Variants in ST8SIA3 observed in about 807,000 individuals in gnomAD.
ST8SIA3 encodes the protein alpha-N-acetylneuraminate alpha-2,8-sialyltransferase ST8SIA3.
A neutral mutation model predicts 34.5 loss-of-function variants in ST8SIA3; 17 were observed. The ratio of observed to expected loss-of-function variants is 0.49; its 90% CI spans 0.34 to 0.74. ST8SIA3 has a LOEUF of 0.74. Ranked by LOEUF, ST8SIA3 falls within the 30% of genes least tolerant of loss-of-function variation. The probability of loss-of-function intolerance (pLI) is 0.01; values close to 1 mark genes in which losing one functional copy is unlikely to be tolerated. For synonymous variants in ST8SIA3, 172 were observed against 176.1 expected, an observed-to-expected ratio of 0.98 and a Z score of 0.19; for missense variants, 354 against 467.8, an observed-to-expected ratio of 0.76 and a Z score of 2.24.
At chr18:57,353,868 G>A (rs1437665949) in intron 1 of ST8SIA3, among the ~76,000 whole-genome samples, 2 of 152,222 alleles carry the variant, frequency 1.3e-5, no homozygotes, top group African/African-American at 4.8e-5. Flanking sequence ...AGCCTCGCCT[G>A]GACCGAGGAG....
Position 57,366,121 on chromosome 18 carries a change from T to C in ST8SIA3, c.*5844T>C, listed in dbSNP as rs1358435121. The C allele has an allele frequency of 2.0e-5, 3 of 152,194 alleles. No individual in the cohort carries two copies. In the East Asian group the frequency reaches 5.8e-4, roughly 29 times the overall value. The allele number at this position is 152,194 out of a possible 1,614,324, so 9.4% of individuals were successfully genotyped here. ...AGTATAAGTTGGCTCCAATACAGCA[T>C]GAGCCAGCTCCAGCATAGCACTGCC... On this transcript the variant is annotated 3_prime_UTR_variant, in exon 4 of 4. Coordinates refer to ENST00000324000, the MANE Select transcript of ST8SIA3 (RefSeq NM_015879.3).
intron 2 of ST8SIA3, among the ~76,000 whole-genome samples, 185 bp from the exon 3 acceptor site, chr18:57,356,728 A>G (rs1000017593): frequency 6.6e-6 from 1 of 152,196 alleles, no homozygotes; most frequent in African/African-American, 2.4e-5. Flanking sequence ...AAATTGACTG[A>G]AAGATTAGAA....
At position 57,364,339 on chromosome 18, in the gene ST8SIA3, T is replaced by A. The variant is rs1009664635; in HGVS notation, c.*4062T>A. 1 of 152,198 alleles carries A rather than the reference T, an allele frequency of 6.6e-6. No individual in the cohort carries two copies. The highest frequency in any genetic ancestry group is 2.4e-5 in the African/African-American group (1 of 41,446). The allele number at this position is 152,198 out of a possible 1,614,324, so 9.4% of individuals were successfully genotyped here. On this transcript the variant is annotated 3_prime_UTR_variant, in exon 4 of 4. Transcript: ENST00000324000. ...TATATACAACTTTCATCGGGGTCCC[T>A]TGAGTTAAGAAATGCCTTCTATTTT... is the stretch of plus-strand genomic sequence containing the variant.
In ST8SIA3 at chr18:57,360,349, A is replaced by G. The variant is rs1469901615; in HGVS notation, c.*72A>G. ...AATCAAATTGAATAGCCTTCAGAAT[A>G]GAACCCTAGAGAATGTCTTATAAGG... On this transcript the variant is annotated 3_prime_UTR_variant, in exon 4 of 4. Coordinates refer to ENST00000324000, the MANE Select transcript of ST8SIA3 (RefSeq NM_015879.3). The G allele has an allele frequency of 7.3e-7, 1 of 1,370,844 alleles. No individual in the cohort carries two copies. Among genetic ancestry groups the G allele is most frequent in the Admixed American group, 2.2e-5 (1 of 44,514 alleles). The allele number at this position is 1,370,844 out of a possible 1,614,324, so 84.9% of individuals were successfully genotyped here.
At position 57,354,519 on chromosome 18, in the gene ST8SIA3, T is replaced by A; in HGVS notation, c.297T>A (p.His99Gln). The change falls in exon 2 of 4, where the codon CAT (histidine) becomes CAA (glutamine). Residue 99 changes from histidine to glutamine, a missense_variant. His to Gln is a conservative substitution (Grantham distance 24). This residue lies in a region of ST8SIA3 where 184 missense variants were observed against 205.4 expected (regional missense o/e 0.90). Transcript: ENST00000324000. Reference sequence around the variant, plus strand: ...AATTTAATCGGACAGCGTTTTTACATCAAAGGTAGGATAGGAGGAAAAGAT... The same window carrying A: ...AATTTAATCGGACAGCGTTTTTACAACAAAGGTAGGATAGGAGGAAAAGAT... Reference protein sequence around the residue: ...KWKFNRTAFLHQRQEILQHVD... With the variant: ...KWKFNRTAFLQQRQEILQHVD... 1 of 1,614,068 alleles carries A rather than the reference T, an allele frequency of 6.2e-7. No homozygotes were observed. Among genetic ancestry groups the A allele is most frequent in the Non-Finnish European group, 8.5e-7 (1 of 1,179,958 alleles).
At chr18:57,353,998 G>A (rs2049782504) in intron 1 of ST8SIA3, among the ~76,000 whole-genome samples, 1 of 152,220 alleles carries the variant, frequency 6.6e-6, no homozygotes, top group Non-Finnish European at 1.5e-5. Context: ...CTGGGTCTCC[G>A]GTTTCCTCTG....
intron 1 of ST8SIA3, among the ~76,000 whole-genome samples, chr18:57,353,863 C>CGCCTG (rs2038058128): frequency 6.6e-6 from 1 of 152,208 alleles, no homozygotes; most frequent in Non-Finnish European, 1.5e-5. Flanking sequence ...AGAGGAGCCT[C>CGCCTG]GCCTGGACCG....
In ST8SIA3 at chr18:57,363,323, T is replaced by A. The variant is rs1378492960; in HGVS notation, c.*3046T>A. 6.6e-6 allele frequency: 1 copy of A among 152,212 alleles called. No individual in the cohort carries two copies. Among genetic ancestry groups the A allele is most frequent in the Non-Finnish European group, 1.5e-5 (1 of 68,036 alleles). The allele number at this position is 152,212 out of a possible 1,614,324, so 9.4% of individuals were successfully genotyped here. The stretch of plus-strand genomic sequence containing the variant: ...AGGGAGACAGGGCTAAATGGTGGTG[T>A]CAAGAATTCCTCCCACACCCCAAAA... On this transcript the variant is annotated 3_prime_UTR_variant, in exon 4 of 4. Coordinates refer to ENST00000324000, the MANE Select transcript of ST8SIA3 (RefSeq NM_015879.3).
chr18:57,355,778 A>G (rs1445543500), intron 2 of ST8SIA3, among the ~76,000 whole-genome samples: 2 of 152,130 alleles, frequency 1.3e-5, no homozygotes, highest in Admixed American at 6.5e-5. Context: ...TTCCTTCTCA[A>G]AACTTCGCTC....
intron 2 of ST8SIA3, among the ~76,000 whole-genome samples, chr18:57,355,397 C>A (rs1053863921): frequency 5.3e-5 from 8 of 152,122 alleles, no homozygotes; most frequent in African/African-American, 1.7e-4. Context: ...TTGATCTTAG[C>A]ATTTCTAGTT....
Position 57,352,993 on chromosome 18 carries a change from GC to G in ST8SIA3, c.151del (p.Arg51GlufsTer15). The G allele has an allele frequency of 6.2e-7, 1 of 1,610,900 alleles. No individual in the cohort carries two copies. ...CTCCCAAGTACGCCAGCCCGGGGGC[GC>G]CCCGAATGTACATGTTCCACGCGGG... ...TTPKYASPGA[P>X]RMYMFHAGFR... On this transcript the variant is annotated frameshift_variant, in exon 1 of 4. Coordinates refer to ENST00000324000, the MANE Select transcript of ST8SIA3 (RefSeq NM_015879.3). LOFTEE classifies it high-confidence loss of function.
chr18:57,360,510 G>A lies in ST8SIA3; in HGVS notation c.*233G>A. 3.9e-6 allele frequency: 2 copies of A among 516,014 alleles called. No homozygotes were observed. The highest frequency in any genetic ancestry group is 3.4e-6 in the Non-Finnish European group (1 of 292,404). The allele number at this position is 516,014 out of a possible 1,614,324, so 32.0% of individuals were successfully genotyped here. A position where few individuals can be genotyped will look rare whatever the true frequency, so the allele number is the denominator to read the frequency against. ...ATTGATAAAGGGAATGTTGCATTTG[G>A]GACTATGCTGCTAACGAAATGGTTT... On this transcript the variant is annotated 3_prime_UTR_variant, in exon 4 of 4. Transcript: ENST00000324000.
At position 57,352,991 on chromosome 18, in the gene ST8SIA3, G is replaced by A; in HGVS notation, c.145G>A (p.Ala49Thr). 3 of 1,611,356 alleles carry A rather than the reference G, an allele frequency of 1.9e-6. No homozygotes were observed. Among genetic ancestry groups the A allele is most frequent in the Admixed American group, 1.7e-5 (1 of 60,018 alleles). The change falls in exon 1 of 4, where the codon GCG (alanine) becomes ACG (threonine). Residue 49 changes from alanine to threonine, a missense_variant. Ala to Thr is a moderately conservative substitution (Grantham distance 58). Around this residue, in one of 3 missense-constraint regions of ST8SIA3, gnomAD observed 184 missense variants for 205.4 expected, o/e 0.90. Coordinates refer to ENST00000324000, the MANE Select transcript of ST8SIA3 (RefSeq NM_015879.3). ...FTTPKYASPG[A>T]PRMYMFHAGF... ...CACTCCCAAGTACGCCAGCCCGGGG[G>A]CGCCCCGAATGTACATGTTCCACGC...
chr18:57,368,910 C>A lies in ST8SIA3; in HGVS notation c.*8633C>A, dbSNP rs544382624. On this transcript the variant is annotated 3_prime_UTR_variant, in exon 4 of 4. Transcript: ENST00000324000. ...CTGAATGCGTTGTTTTTAAATAAAC[C>A]ATTTCGTTTTGCTTTGGGAAACACT... is the stretch of plus-strand genomic sequence containing the variant. 58 of 152,332 alleles carry A rather than the reference C, an allele frequency of 3.8e-4. No homozygotes were observed. Among genetic ancestry groups the A allele is most frequent in the African/African-American group, 1.3e-3 (54 of 41,572 alleles). The allele number at this position is 152,332 out of a possible 1,614,324, so 9.4% of individuals were successfully genotyped here.
In ST8SIA3 at chr18:57,362,948, G is replaced by A. The variant is rs1201593365; in HGVS notation, c.*2671G>A. The A allele has an allele frequency of 2.6e-5, 4 of 152,286 alleles. No homozygotes were observed. Among genetic ancestry groups the A allele is most frequent in the African/African-American group, 9.6e-5 (4 of 41,456 alleles). The allele number at this position is 152,286 out of a possible 1,614,324, so 9.4% of individuals were successfully genotyped here. On this transcript the variant is annotated 3_prime_UTR_variant, in exon 4 of 4. Coordinates refer to ENST00000324000, the MANE Select transcript of ST8SIA3 (RefSeq NM_015879.3). ...GCAGCTCCCAGGCTTGTGTAGTCAA[G>A]TGCAGTGAACTGGGCAGTAATCAGC...
rs1342008517 is a variant in ST8SIA3 at position 57,367,681 on chromosome 18, A to G, written c.*7404A>G. The G allele has an allele frequency of 6.6e-6, 1 of 152,360 alleles. No homozygotes were observed. The highest frequency in any genetic ancestry group is 1.5e-5 in the Non-Finnish European group (1 of 68,040). 9.4% of individuals were successfully genotyped at this position (152,360 alleles called of 1,614,324 possible). A position where few individuals can be genotyped will look rare whatever the true frequency, so the allele number is the denominator to read the frequency against. Reference sequence around the variant, plus strand: ...GGAATAAAGTCATTGAAGTACTTGCAAAAAGAAGAGGGAGGTTTCCCTCTG... The same window carrying G: ...GGAATAAAGTCATTGAAGTACTTGCGAAAAGAAGAGGGAGGTTTCCCTCTG... On this transcript the variant is annotated 3_prime_UTR_variant, in exon 4 of 4. Coordinates refer to ENST00000324000, the MANE Select transcript of ST8SIA3 (RefSeq NM_015879.3).
At chr18:57,357,497 C>T in intron 3 of ST8SIA3, 27 bp downstream of exon 3, 1 of 1,540,954 alleles carries the variant, frequency 6.5e-7, no homozygotes, top group Non-Finnish European at 8.9e-7. Context: ...ACATTTTACT[C>T]ATACTCCACC....
chr18:57,353,625 C>G (rs2049779731), intron 1 of ST8SIA3, among the ~76,000 whole-genome samples: 1 of 152,192 alleles, frequency 6.6e-6, no homozygotes, highest in African/African-American at 2.4e-5. Context: ...TTCCCCCGCC[C>G]CCTGCGGGAA....
intron 2 of ST8SIA3, among the ~76,000 whole-genome samples, chr18:57,356,708 A>G (rs1483136859): frequency 6.6e-6 from 1 of 152,246 alleles, no homozygotes; most frequent in Admixed American, 6.5e-5. Context: ...GCCTCAAAGA[A>G]TACACCCAGA....
Sources: allele counts gnomAD v4.1 joint callset (sites outside exome capture counted in the v4.1 genomes callset), GRCh38; gene constraint gnomAD v4.1.1; regional missense constraint gnomAD v4.1.1; transcripts MANE v1.5; gene names NCBI Gene and HGNC (gene_info 2026-07-23, HGNC 2026-07-21).